LTBP4: variants seen among roughly 807,000 people sequenced by gnomAD.
LTBP4 encodes the protein latent-transforming growth factor beta-binding protein 4.
A neutral mutation model predicts 180.2 loss-of-function variants in LTBP4; 93 were observed. The observed-to-expected ratio is 0.52, with a 90% CI of 0.44 to 0.61. The LOEUF is 0.61. LTBP4 is among the 20% of genes least tolerant of loss of function. The probability of loss-of-function intolerance (pLI) is 0.00; values close to 1 mark genes in which losing one functional copy is unlikely to be tolerated. For synonymous variants in LTBP4, 947 were observed against 934.5 expected (o/e 1.01, Z -0.24); for missense variants, 2,116 against 2,256.5 (o/e 0.94, Z 1.26).
At chr19:40,606,567 C>T (rs1321506653) in intron 6 of LTBP4, 41 bp downstream of exon 6, 3 of 1,538,840 alleles carry the variant, frequency 1.9e-6, no homozygotes, top group African/African-American at 2.7e-5. Flanking sequence ...TCCCGCCCTC[C>T]CTGCCCTCAG....
intron 26 of LTBP4, 110 bp from the exon 27 acceptor site, chr19:40,625,747 G>T (rs2081629069): frequency 1.0e-6 from 1 of 956,144 alleles, no homozygotes; most frequent in East Asian, 3.0e-5. Flanking sequence ...TGATGAGAAG[G>T]ATTTGCTGAT....
Position 40,611,007 on chromosome 19 carries a change from T to G in LTBP4, c.1811-145T>G. On this transcript the variant is annotated intron_variant, in intron 12 of 29. Coordinates refer to ENST00000396819, the MANE Select transcript of LTBP4 (RefSeq NM_001042545.2). This position sits in a 1 kb window ranked among gnomAD's most constrained non-coding sequence, Gnocchi z 4.4. ...AGCCAGGCAGCTTAGTAGGGATTGGTGGAGGATGCAGAGTCAGATGATGGT... is the reference window on the plus strand; with the variant it reads ...AGCCAGGCAGCTTAGTAGGGATTGGGGGAGGATGCAGAGTCAGATGATGGT... 1.7e-6 allele frequency: 2 copies of G among 1,145,188 alleles called. No homozygotes were observed. Among genetic ancestry groups the G allele is most frequent in the Non-Finnish European group, 1.2e-6 (1 of 807,418 alleles). 70.9% of individuals were successfully genotyped at this position (1,145,188 alleles called of 1,614,324 possible).
At chr19:40,599,057 G>C, upstream of LTBP4, 1 of 781,384 alleles carries the variant, frequency 1.3e-6, no homozygotes, top group South Asian at 1.5e-5. Context: ...AAACTGAGGC[G>C]TGGGGAGAAG....
At chr19:40,617,371 C>T (rs563175769) in intron 21 of LTBP4, 146 bp downstream of exon 21, 15 of 1,158,396 alleles carry the variant, frequency 1.3e-5, no homozygotes, top group Admixed American at 7.9e-5. Context: ...ATGCCAGGCA[C>T]GGTGGCTCAC....
rs1248696875 is a variant in LTBP4 at position 40,605,466 on chromosome 19, C to T, written c.504C>T (p.His168=). 9.9e-6 allele frequency: 16 copies of T among 1,612,410 alleles called. No individual in the cohort carries two copies. The highest frequency in any genetic ancestry group is 1.3e-5 in the African/African-American group (1 of 74,940). The change falls in exon 3 of 30, where the codon CAC becomes CAT. Residue 168 remains histidine (H), a synonymous_variant. Transcript: ENST00000396819. This position sits in a 1 kb window ranked among gnomAD's most constrained non-coding sequence, Gnocchi z 5.5. ...EHPQEASVVV[H]QVERVSGPWE... ...CGCAGGAGGCGTCGGTGGTGGTGCA[C>T]CAGGTGGAGCGTGTGTCTGGCCCTT...
chr19:40,611,052 G>A lies in LTBP4; in HGVS notation c.1811-100G>A. ...GATGGTGACAAGGAGGAATAGAGATGGGGTCACGGGGACAGAATGTTGGAG... is the reference window on the plus strand; with the variant it reads ...GATGGTGACAAGGAGGAATAGAGATAGGGTCACGGGGACAGAATGTTGGAG... On this transcript the variant is annotated intron_variant, in intron 12 of 29. Coordinates refer to ENST00000396819, the MANE Select transcript of LTBP4 (RefSeq NM_001042545.2). This position sits in a 1 kb window ranked among gnomAD's most constrained non-coding sequence, Gnocchi z 4.4. 1 of 1,484,982 alleles carries A rather than the reference G, an allele frequency of 6.7e-7. No individual in the cohort carries two copies. The highest frequency in any genetic ancestry group is 9.3e-7 in the Non-Finnish European group (1 of 1,080,088). The allele number at this position is 1,484,982 out of a possible 1,614,324, so 92.0% of individuals were successfully genotyped here. A position where few individuals can be genotyped will look rare whatever the true frequency, so the allele number is the denominator to read the frequency against.
At position 40,612,078 on chromosome 19, in the gene LTBP4, G is replaced by C; in HGVS notation, c.2185G>C (p.Asp729His). The C allele has an allele frequency of 3.1e-6, 5 of 1,613,514 alleles. No homozygotes were observed. The stretch of plus-strand genomic sequence containing the variant: ...CCCTCTCCCCTGCCCCCCAGATGTG[G>C]ATGAGTGTGAGAACCACCTCGCATG... ...NTAGSECEDV[D>H]ECENHLACPG... Residue 729 changes from aspartate to histidine, a missense_variant, in exon 15 of 30, where the codon GAT (aspartate) becomes CAT (histidine). By Grantham distance (81) the Asp-to-His change is moderately conservative. Transcript: ENST00000396819.
rs763715142 is a variant in LTBP4 at position 40,609,696 on chromosome 19, C to CG, written c.1558+41dup. 1 of 1,611,544 alleles carries CG rather than the reference C, an allele frequency of 6.2e-7. No homozygotes were observed. The highest frequency in any genetic ancestry group is 8.5e-7 in the Non-Finnish European group (1 of 1,178,596). On this transcript the variant is annotated intron_variant, in intron 10 of 29. Transcript: ENST00000396819. This position sits in a 1 kb window ranked among gnomAD's most constrained non-coding sequence, Gnocchi z 4.9. ...ACGGAGGGCGCGGAAGGAGGCGGGG[C>CG]GGGGGGCTTTGCCTGGTCACCTTGT...
At chr19:40,628,719 C>A (rs1181914024) in intron 29 of LTBP4, among the ~76,000 whole-genome samples, 2 of 152,136 alleles carry the variant, frequency 1.3e-5, no homozygotes, top group Non-Finnish European at 2.9e-5. Context: ...AATGGAGGCA[C>A]ATGCGTAAAA....
At chr19:40,597,176 G>A (rs979287927), upstream of LTBP4, 1,907 of 1,334,412 alleles carry the variant, frequency 1.4e-3, 3 homozygotes, top group Admixed American at 1.7e-3. Flanking sequence ...GCGGGGCCGG[G>A]GCTAGCCTGA....
At chr19:40,626,632 C>A (rs1356945155) in intron 27 of LTBP4, among the ~76,000 whole-genome samples, 1 of 152,106 alleles carries the variant, frequency 6.6e-6, no homozygotes, top group Non-Finnish European at 1.5e-5. Context: ...GTCTCCCATG[C>A]ATCCTGCCCC....
Position 40,629,544 on chromosome 19 carries a change from G to C in LTBP4, c.4668G>C (p.Arg1556=). 3 of 1,479,436 alleles carry C rather than the reference G, an allele frequency of 2.0e-6. No homozygotes were observed. In the South Asian group the frequency reaches 4.0e-5, roughly 20 times the overall value. 91.6% of individuals were successfully genotyped at this position (1,479,436 alleles called of 1,614,324 possible). Residue 1556 remains arginine (R), a synonymous_variant, in exon 30 of 30, where the codon CGG becomes CGC. Transcript: ENST00000396819. This position sits in a 1 kb window ranked among gnomAD's most constrained non-coding sequence, Gnocchi z 4.5. ...QPHHCAPARP[R]A ...ACCACTGTGCGCCCGCACGGCCCCG[G>C]GCCTGAGCCCTGGCACCCGCTGGCC... is the stretch of plus-strand genomic sequence containing the variant.
At chr19:40,606,914 A>C (rs2081466899) in intron 6 of LTBP4, among the ~76,000 whole-genome samples, 1 of 152,082 alleles carries the variant, frequency 6.6e-6, no homozygotes, top group Non-Finnish European at 1.5e-5. Context: ...TGCCCGGCTA[A>C]ATTTTTTTGT....
rs147343555 is a variant in LTBP4, at chr19:40,613,289, C to T, written c.2431+93C>T. On this transcript the variant is annotated intron_variant, in intron 16 of 29. Transcript: ENST00000396819. This position sits in a 1 kb window ranked among gnomAD's most constrained non-coding sequence, Gnocchi z 5.0. ...GAAAGGTGGAGGCGGGACCAAGGCG[C>T]TGTGGGAGGAGCTTAGAAACCTGGC... is the stretch of plus-strand genomic sequence containing the variant. 8 of 1,543,594 alleles carry T rather than the reference C, an allele frequency of 5.2e-6. No individual in the cohort carries two copies. The highest frequency in any genetic ancestry group is 7.0e-6 in the Non-Finnish European group (8 of 1,141,644).
In LTBP4 at chr19:40,613,529, G is replaced by T; in HGVS notation, c.2557G>T (p.Asp853Tyr). 6.4e-7 allele frequency: 1 copy of T among 1,566,206 alleles called. No homozygotes were observed. The highest frequency in any genetic ancestry group is 1.4e-5 in the African/African-American group (1 of 73,846). The change falls in exon 17 of 30, where the codon GAC (aspartate) becomes TAC (tyrosine). Residue 853 changes from aspartate (D) to tyrosine (Y), a missense_variant and splice_region_variant. Transcript: ENST00000396819. The surrounding 1 kb of genome is among the most constrained non-coding windows in gnomAD (Gnocchi z 5.0). ...CGGACCCCGCGGAGCCTCTTGCCTC[G>T]GTTCGTACCCGGGCTGATCCTGGCC... ...RPGPRGASCLDVDECSEEDLC... is the reference protein window; with the variant it reads ...RPGPRGASCLYVDECSEEDLC...
intron 1 of LTBP4, among the ~76,000 whole-genome samples, chr19:40,602,737 G>A (rs2081433497): frequency 6.6e-6 from 1 of 152,194 alleles, no homozygotes; most frequent in Non-Finnish European, 1.5e-5. Flanking sequence ...CTCCCCGCTT[G>A]GCCAGGGCTG....
rs939560333 is a variant in LTBP4, at chr19:40,609,441, A to T, written c.1427-89A>T. 1.3e-6 allele frequency: 2 copies of T among 1,532,590 alleles called. No homozygotes were observed. The highest frequency in any genetic ancestry group is 3.7e-5 in the Admixed American group (2 of 53,672). The allele number at this position is 1,532,590 out of a possible 1,614,324, so 94.9% of individuals were successfully genotyped here. Reference sequence around the variant, plus strand: ...GAGGAGACATCCATGAAGGTGTTTTATGGATGTCTCCGGGGGTGGGGGTTT... The same window carrying T: ...GAGGAGACATCCATGAAGGTGTTTTTTGGATGTCTCCGGGGGTGGGGGTTT... On this transcript the variant is annotated intron_variant, in intron 9 of 29. Coordinates refer to ENST00000396819, the MANE Select transcript of LTBP4 (RefSeq NM_001042545.2). This position sits in a 1 kb window ranked among gnomAD's most constrained non-coding sequence, Gnocchi z 4.9.
Position 40,613,650 on chromosome 19 carries a change from C to T in LTBP4, c.2557+121C>T, listed in dbSNP as rs903392152. The T allele has an allele frequency of 1.4e-6, 2 of 1,471,498 alleles. No homozygotes were observed. Among genetic ancestry groups the T allele is most frequent in the Non-Finnish European group, 1.8e-6 (2 of 1,090,184 alleles). 91.2% of individuals were successfully genotyped at this position (1,471,498 alleles called of 1,614,324 possible). A position where few individuals can be genotyped will look rare whatever the true frequency, so the allele number is the denominator to read the frequency against. ...TTTAGCCGGGGTATTCCAGCAGGAT[C>T]AGGGGGCAGCTGGTGGGAGTCTCGA... On this transcript the variant is annotated intron_variant, in intron 17 of 29. Coordinates refer to ENST00000396819, the MANE Select transcript of LTBP4 (RefSeq NM_001042545.2). The surrounding 1 kb of genome is among the most constrained non-coding windows in gnomAD (Gnocchi z 5.0).
intron 6 of LTBP4, 100 bp from the exon 7 acceptor site, chr19:40,607,265 C>T: frequency 3.5e-6 from 2 of 575,920 alleles, no homozygotes; most frequent in Non-Finnish European, 5.4e-6. Flanking sequence ...CCACCAACCC[C>T]CCACCCCCAA....
Sources: gnomAD v4.1 joint callset for allele counts (sites outside exome capture counted in the v4.1 genomes callset) on GRCh38, gnomAD v4.1.1 for gene constraint, Gnocchi (gnomAD v3.1) non-coding constraint, MANE v1.5 for transcripts, NCBI Gene and HGNC (gene_info 2026-07-23, HGNC 2026-07-21) for gene names.